CACNB2: variants seen among roughly 807,000 people sequenced by gnomAD.
The protein encoded by CACNB2 is voltage-dependent L-type calcium channel subunit beta-2.
Under a neutral mutation model 73.3 loss-of-function variants are expected in CACNB2, and 42 were observed. The ratio of observed to expected loss-of-function variants is 0.57; its 90% CI spans 0.45 to 0.74. The LOEUF is 0.74. CACNB2 is among the 30% of genes least tolerant of loss of function. The pLI is 0.00. For missense variants in CACNB2, 940 were observed against 853.0 expected (o/e 1.10, Z -1.27); for synonymous variants, 348 against 310.3 (o/e 1.12, Z -1.28).
intron 4 of CACNB2, among the ~76,000 whole-genome samples, chr10:18,499,510 G>A (rs1250795066): frequency 6.6e-6 from 1 of 151,574 alleles, no homozygotes; most frequent in Non-Finnish European, 1.5e-5. Flanking sequence ...AGCTACTCGA[G>A]AGGCTGAGGC....
At chr10:18,383,027 T>G (rs1031256254) in intron 2 of CACNB2, among the ~76,000 whole-genome samples, 1 of 152,188 alleles carries the variant, frequency 6.6e-6, no homozygotes, top group South Asian at 2.1e-4. Flanking sequence ...GTTTCACTCA[T>G]GATGGCATTT....
At chr10:18,375,624 C>A in intron 2 of CACNB2, among the ~76,000 whole-genome samples, 1 of 152,134 alleles carries the variant, frequency 6.6e-6, no homozygotes, top group East Asian at 1.9e-4. Flanking sequence ...TTTTCTAGGA[C>A]CCTTATTGGG....
At chr10:18,290,112 CTTTTTTTTT>C (rs992393946) in intron 2 of CACNB2, among the ~76,000 whole-genome samples, 1,634 of 50,156 alleles carry the variant, frequency 0.033, 13 homozygotes, top group African/African-American at 0.1. Context: ...TTTTCTTTTT[CTTTTTTTTT>C]TTTTTTTTTT....
chr10:18,233,395 C>T (rs2036299302), intron 2 of CACNB2, among the ~76,000 whole-genome samples: 1 of 151,916 alleles, frequency 6.6e-6, no homozygotes, highest in Non-Finnish European at 1.5e-5. Context: ...TTATCACTTC[C>T]AAAATTTGTA....
At chr10:18,340,943 TTA>T in intron 2 of CACNB2, 1 of 1,614,160 alleles carries the variant, frequency 6.2e-7, no homozygotes, top group Non-Finnish European at 8.5e-7. Context: ...GACAGACGCC[TTA>T]TAGCTCCTCA....
At chr10:18,481,191 G>GATATATAT (rs1564598989) in intron 3 of CACNB2, among the ~76,000 whole-genome samples, 4 of 40,522 alleles carry the variant, frequency 9.9e-5, no homozygotes, top group Admixed American at 4.7e-4. Flanking sequence ...TTACATCTTC[G>GATATATAT]CTATATATAT....
At chr10:18,538,993 T>TA (rs1465686660) in intron 13 of CACNB2, among the ~76,000 whole-genome samples, 1 of 151,156 alleles carries the variant, frequency 6.6e-6, no homozygotes, top group East Asian at 1.9e-4. Flanking sequence ...TTTTTTTTTT[T>TA]AAAGGAAAAA....
intron 13 of CACNB2, among the ~76,000 whole-genome samples, chr10:18,538,986 T>A (rs949185573): frequency 6.6e-6 from 1 of 151,812 alleles, no homozygotes; most frequent in Non-Finnish European, 1.5e-5. Context: ...TGCTGCTTTT[T>A]TTTTTTTAAA....
intron 3 of CACNB2, among the ~76,000 whole-genome samples, chr10:18,458,763 C>CTTTTTTTTTTTTTTTTTTTTTTTT (rs371122031): frequency 8.2e-6 from 1 of 122,628 alleles, no homozygotes; most frequent in African/African-American, 3.0e-5. Context: ...GTAAGGTGAA[C>CTTTTTTTTTTTTTTTTTTTTTTTT]TTTTTTTTTT....
At chr10:18,363,641 A>T (rs1412206742) in intron 2 of CACNB2, among the ~76,000 whole-genome samples, 1 of 152,156 alleles carries the variant, frequency 6.6e-6, no homozygotes, top group South Asian at 2.1e-4. Context: ...GCATGTTTAA[A>T]ATATGTATAT....
At chr10:18,433,061 G>A (rs1202631663) in intron 3 of CACNB2, among the ~76,000 whole-genome samples, 2 of 151,610 alleles carry the variant, frequency 1.3e-5, no homozygotes, top group Non-Finnish European at 2.9e-5. Context: ...TACCTTGTTA[G>A]AAAGTAACTG....
At position 18,140,872 on chromosome 10, in the gene CACNB2, C is replaced by A; in HGVS notation, c.120+16C>A. ...CGCCGCACAGGTAGCGAGAGCGCGG[C>A]GCCTTCTCCTTCCTTTGTGAGCCGC... On this transcript the variant is annotated intron_variant, in intron 1 of 13. Transcript: ENST00000324631. 1 of 1,586,834 alleles carries A rather than the reference C, an allele frequency of 6.3e-7. No individual in the cohort carries two copies. Among genetic ancestry groups the A allele is most frequent in the East Asian group, 2.3e-5 (1 of 43,972 alleles).
intron 2 of CACNB2, among the ~76,000 whole-genome samples, chr10:18,379,979 A>G (rs951767460): frequency 6.6e-6 from 1 of 152,118 alleles, no homozygotes. Context: ...GAGCCACCAC[A>G]CCTGGCCCAC....
chr10:18,284,818 T>C (rs993654457), intron 2 of CACNB2, among the ~76,000 whole-genome samples: 3 of 152,140 alleles, frequency 2.0e-5, no homozygotes, highest in Non-Finnish European at 4.4e-5. Context: ...ATATATAGAA[T>C]GCATTTCTTG....
chr10:18,237,418 A>G (rs1038161870), intron 2 of CACNB2, among the ~76,000 whole-genome samples: 4 of 152,206 alleles, frequency 2.6e-5, no homozygotes, highest in South Asian at 2.1e-4. Context: ...GGAGGCAGAG[A>G]TGGGGCAGAT....
At chr10:18,467,952 G>A (rs10828749) in intron 3 of CACNB2, among the ~76,000 whole-genome samples, 62,130 of 151,990 alleles carry the variant, frequency 0.41, 12,786 homozygotes, top group East Asian at 0.53. Context: ...ATACAATATT[G>A]TTAGTGTCCC....
Position 18,177,944 on chromosome 10 carries a change from G to A in CACNB2, c.213+26969G>A, listed in dbSNP as rs538273349. 1.1e-4 allele frequency among the ~76,000 whole-genome samples: 16 copies of A among 152,206 alleles called. No homozygotes were observed. In the South Asian group the frequency reaches 1.7e-3, roughly 16 times the overall value. ...TCTATTTTCCTTTCACAGTATATAC[G>A]TAGGTATTCAAGAGGCATATCATAT... On this transcript the variant is annotated intron_variant, in intron 2 of 13. Transcript: ENST00000324631.
intron 1 of CACNB2, among the ~76,000 whole-genome samples, chr10:18,145,935 A>G (rs928063817): frequency 4.6e-5 from 7 of 152,076 alleles, no homozygotes; most frequent in African/African-American, 1.7e-4. Context: ...CTGGGCAGAT[A>G]GATCTCTGCT....
intron 3 of CACNB2, among the ~76,000 whole-genome samples, chr10:18,426,309 T>C (rs1249740022): frequency 2.0e-5 from 3 of 152,310 alleles, no homozygotes; most frequent in South Asian, 4.1e-4. Flanking sequence ...ATAAAGGTCA[T>C]ATATTTTTTA....
Sources: allele counts gnomAD v4.1 joint callset (sites outside exome capture counted in the v4.1 genomes callset), GRCh38; gene constraint gnomAD v4.1.1; transcripts MANE v1.5; gene names NCBI Gene and HGNC (gene_info 2026-07-23, HGNC 2026-07-21).